The following LYPD6 variants were observed in gnomAD, a reference collection of about 807,000 sequenced individuals.
The protein encoded by LYPD6 is LY6/PLAUR domain containing 6, also known as ly6/PLAUR domain-containing protein 6.
Under a neutral mutation model 22.7 loss-of-function variants are expected in LYPD6, and 15 were observed. The ratio of observed to expected loss-of-function variants is 0.66; its 90% confidence interval spans 0.44 to 1.02. LYPD6 has a LOEUF of 1.02. Among genes scored for constraint, LYPD6 ranks in the 50% least tolerant of loss-of-function variants. The pLI is 0.00. For synonymous variants in LYPD6, 72 were observed against 77.5 expected, an observed-to-expected ratio of 0.93 and a Z score of 0.37; for missense variants, 189 against 208.4, an observed-to-expected ratio of 0.91 and a Z score of 0.57.
intron 1 of LYPD6, among the ~76,000 whole-genome samples, chr2:149,342,972 A>C (rs1681189998): frequency 6.6e-6 from 1 of 152,238 alleles, no homozygotes; most frequent in African/African-American, 2.4e-5. Context: ...AATGAAGGGC[A>C]CTGCATTTCA....
At chr2:149,356,322 A>G (rs1238743574) in intron 1 of LYPD6, among the ~76,000 whole-genome samples, 1 of 152,182 alleles carries the variant, frequency 6.6e-6, no homozygotes, top group Non-Finnish European at 1.5e-5. Context: ...AAGTTTTGGC[A>G]GGAGGTAGGA....
chr2:149,345,096 A>G (rs10182191), intron 1 of LYPD6, among the ~76,000 whole-genome samples: 3,698 of 152,096 alleles, frequency 0.024, 136 homozygotes, highest in African/African-American at 0.083. Context: ...TCTCACTGAG[A>G]CACCCCCCGA....
At chr2:149,383,722 A>G (rs1209716843) in intron 1 of LYPD6, among the ~76,000 whole-genome samples, 4 of 152,216 alleles carry the variant, frequency 2.6e-5, no homozygotes, top group Non-Finnish European at 4.4e-5. Context: ...TTTTCAATTT[A>G]AAGCATTGGT....
At chr2:149,437,870 A>T in intron 2 of LYPD6, 44 bp downstream of exon 2, 1 of 1,604,454 alleles carries the variant, frequency 6.2e-7, no homozygotes, top group East Asian at 2.2e-5. Flanking sequence ...TTTATTTCAA[A>T]TAAGAAGTGG....
intron 3 of LYPD6, among the ~76,000 whole-genome samples, chr2:149,464,913 A>G (rs1435538615): frequency 6.6e-6 from 1 of 152,126 alleles, no homozygotes; most frequent in East Asian, 1.9e-4. Context: ...TCCCTTCCTG[A>G]GATAGACACA....
At chr2:149,356,520 C>A (rs1433907335) in intron 1 of LYPD6, among the ~76,000 whole-genome samples, 1 of 152,172 alleles carries the variant, frequency 6.6e-6, no homozygotes, top group African/African-American at 2.4e-5. Context: ...TTACCTCTAG[C>A]CTGAGTGCCA....
chr2:149,462,534 ATT>A (rs1352987811), intron 3 of LYPD6, among the ~76,000 whole-genome samples: 3 of 146,286 alleles, frequency 2.1e-5, no homozygotes. Flanking sequence ...TCCCAGGAAG[ATT>A]TTTTTTTTTT....
chr2:149,334,901 A>G (rs1235209024), intron 1 of LYPD6, among the ~76,000 whole-genome samples: 1 of 152,136 alleles, frequency 6.6e-6, no homozygotes, highest in Non-Finnish European at 1.5e-5. Flanking sequence ...TGGAGCTGAA[A>G]AATTCCTATC....
chr2:149,382,585 A>G (rs925113947), intron 1 of LYPD6, among the ~76,000 whole-genome samples: 3 of 152,122 alleles, frequency 2.0e-5, no homozygotes, highest in Non-Finnish European at 4.4e-5. Context: ...GTCAGTCAGC[A>G]TTTCAGTTCA....
Position 149,449,158 on chromosome 2 carries a change from A to G in LYPD6, c.217+11A>G, listed in dbSNP as rs183001687. On this transcript the variant is annotated intron_variant, in intron 3 of 4. Transcript: ENST00000334166. Reference sequence around the variant, plus strand: ...TCTACTGCCCTCGAGGTAAACTCTCAGTAGACTGATTGGGGTCCCCTGGGC... The same window carrying G: ...TCTACTGCCCTCGAGGTAAACTCTCGGTAGACTGATTGGGGTCCCCTGGGC... The G allele has an allele frequency of 2.7e-4, 432 of 1,600,786 alleles. 1 individual carries two copies. In the African/African-American group the frequency reaches 5.1e-3, roughly 19 times the overall value.
intron 1 of LYPD6, among the ~76,000 whole-genome samples, chr2:149,406,487 A>G (rs906986494): frequency 6.6e-6 from 1 of 152,028 alleles, no homozygotes; most frequent in Non-Finnish European, 1.5e-5. Flanking sequence ...CCATTATGTA[A>G]TGGCCTCCTT....
intron 1 of LYPD6, among the ~76,000 whole-genome samples, chr2:149,407,463 C>A (rs1313996967): frequency 2.0e-5 from 3 of 152,160 alleles, no homozygotes; most frequent in Non-Finnish European, 4.4e-5. Context: ...AACTTCCCTT[C>A]TCGCTTCATT....
intron 1 of LYPD6, among the ~76,000 whole-genome samples, chr2:149,431,978 T>C (rs955883280): frequency 3.3e-5 from 5 of 152,086 alleles, no homozygotes; most frequent in African/African-American, 7.2e-5. Context: ...AAAGAAGATA[T>C]ACAAATGGCT....
At position 149,394,523 on chromosome 2, in the gene LYPD6, T is replaced by G. The variant is rs547685008; in HGVS notation, c.-71-43115T>G. On this transcript the variant is annotated intron_variant, in intron 1 of 4. Coordinates refer to ENST00000334166, the MANE Select transcript of LYPD6 (RefSeq NM_194317.5). ...CATTTATATTTTATAATTTTAGTAT[T>G]TTTGATAATAAAATTTGTTTTTTTG... 1.8e-4 allele frequency among the ~76,000 whole-genome samples: 27 copies of G among 152,258 alleles called. No homozygotes were observed. In the South Asian group the frequency reaches 1.9e-3, roughly 11 times the overall value.
intron 1 of LYPD6, among the ~76,000 whole-genome samples, chr2:149,357,659 C>T (rs1458851916): frequency 6.6e-6 from 1 of 152,052 alleles, no homozygotes; most frequent in Non-Finnish European, 1.5e-5. Flanking sequence ...TTGTTTTTGA[C>T]ATGATGGTAG....
Position 149,449,005 on chromosome 2 carries a change from G to C in LYPD6, c.119-44G>C, listed in dbSNP as rs751047738. On this transcript the variant is annotated intron_variant, in intron 2 of 4. Coordinates refer to ENST00000334166, the MANE Select transcript of LYPD6 (RefSeq NM_194317.5). Reference sequence around the variant, plus strand: ...ATGTCTTAACTTCACAGGATTCTGTGCCTTGTCTAAAAATTAATCTTTTCT... The same window carrying C: ...ATGTCTTAACTTCACAGGATTCTGTCCCTTGTCTAAAAATTAATCTTTTCT... 2.9e-6 allele frequency: 4 copies of C among 1,394,200 alleles called. No individual in the cohort carries two copies. In the African/African-American group the frequency reaches 5.7e-5, roughly 20 times the overall value. 86.4% of individuals were successfully genotyped at this position (1,394,200 alleles called of 1,614,324 possible).
chr2:149,346,076 G>A (rs1681250501), intron 1 of LYPD6, among the ~76,000 whole-genome samples: 2 of 152,114 alleles, frequency 1.3e-5, no homozygotes, highest in African/African-American at 4.8e-5. Context: ...CTTGATCAGT[G>A]TTTCTTGAAT....
chr2:149,477,542 G>T (rs1471671052), downstream of LYPD6, among the ~76,000 whole-genome samples: 1 of 140,008 alleles, frequency 7.1e-6, no homozygotes, highest in African/African-American at 2.6e-5. Flanking sequence ...AGAATCGCTT[G>T]AATCTGGGAG....
At chr2:149,381,876 C>G (rs187134292) in intron 1 of LYPD6, among the ~76,000 whole-genome samples, 4 of 152,132 alleles carry the variant, frequency 2.6e-5, no homozygotes, top group Non-Finnish European at 5.9e-5. Context: ...TTCTTTCCTT[C>G]TGTTAATATT....
Sources: allele counts gnomAD v4.1 joint callset (sites outside exome capture counted in the v4.1 genomes callset), GRCh38; gene constraint gnomAD v4.1.1; transcripts MANE v1.5; gene names NCBI Gene and HGNC (gene_info 2026-07-23, HGNC 2026-07-21).